Variants in RNF212B observed in about 807,000 individuals in gnomAD.
RNF212B encodes ring finger protein 212B, also known as E3 ubiquitin-protein ligase RNF212B.
In RNF212B, 52 loss-of-function variants were observed where a neutral mutation model predicts 55.5. The ratio of observed to expected loss-of-function variants is 0.94; its 90% confidence interval spans 0.75 to 1.18. The LOEUF is 1.18. Among genes scored for constraint, RNF212B ranks in the 50% most tolerant of loss-of-function variants. The probability of loss-of-function intolerance (pLI) is 0.00; values close to 1 mark genes in which losing one functional copy is unlikely to be tolerated. For missense variants in RNF212B, 289 were observed against 350.4 expected, an observed-to-expected ratio of 0.82 and a Z score of 1.40; for synonymous variants, 99 against 121.4, an observed-to-expected ratio of 0.82 and a Z score of 1.21.
chr14:23,256,044 C>G (rs986615071), intron 4 of RNF212B, among the ~76,000 whole-genome samples: 1 of 152,050 alleles, frequency 6.6e-6, no homozygotes, highest in African/African-American at 2.4e-5. Flanking sequence ...TTAGGCCTGG[C>G]AAAAGACCCT....
At chr14:23,238,771 A>C (rs150373652) in intron 1 of RNF212B, among the ~76,000 whole-genome samples, 1,835 of 112,026 alleles carry the variant, frequency 0.016, 27 homozygotes, top group Middle Eastern at 0.049. Flanking sequence ...TAATAATAAT[A>C]ATAATAATAA....
intron 4 of RNF212B, among the ~76,000 whole-genome samples, chr14:23,252,405 C>T (rs755775487): frequency 1.3e-5 from 2 of 152,136 alleles, no homozygotes; most frequent in African/African-American, 2.4e-5. Flanking sequence ...GATTTCATCA[C>T]ATGTAATTTC....
intron 4 of RNF212B, among the ~76,000 whole-genome samples, chr14:23,251,073 A>G (rs1211352396): frequency 6.6e-6 from 1 of 152,196 alleles, no homozygotes; most frequent in Non-Finnish European, 1.5e-5. Context: ...ACACTACTAA[A>G]AGACAAGAAC....
intron 7 of RNF212B, among the ~76,000 whole-genome samples, chr14:23,260,978 T>A (rs535728071): frequency 1.3e-5 from 2 of 152,234 alleles, no homozygotes; most frequent in Non-Finnish European, 2.9e-5. Context: ...TTTTACTTCC[T>A]GCAGAAAGGG....
chr14:23,238,553 C>A (rs900141672), intron 1 of RNF212B, among the ~76,000 whole-genome samples: 2 of 151,574 alleles, frequency 1.3e-5, no homozygotes, highest in African/African-American at 2.4e-5. Flanking sequence ...CACAGAGAGG[C>A]CTTGTCTCTA....
chr14:23,261,735 G>C (rs919011169), intron 7 of RNF212B, among the ~76,000 whole-genome samples: 1 of 152,196 alleles, frequency 6.6e-6, no homozygotes, highest in Non-Finnish European at 1.5e-5. Flanking sequence ...GCCAAGGTGG[G>C]CGGATCATGG....
chr14:23,212,222 A>G (rs988635392), intron 2 of RNF212B, among the ~76,000 whole-genome samples: 3 of 152,248 alleles, frequency 2.0e-5, no homozygotes, highest in African/African-American at 7.2e-5. Flanking sequence ...ATCAAGACTA[A>G]CACAAGGATG....
intron 2 of RNF212B, among the ~76,000 whole-genome samples, chr14:23,208,993 C>G (rs765540205): frequency 1.5e-4 from 23 of 151,894 alleles, no homozygotes; most frequent in Non-Finnish European, 3.1e-4. Context: ...CTCCTGACCT[C>G]GTGATCCGCC....
chr14:23,231,499 A>C (rs1882605796), intron 2 of RNF212B, among the ~76,000 whole-genome samples: 1 of 152,262 alleles, frequency 6.6e-6, no homozygotes, highest in South Asian at 2.1e-4. Flanking sequence ...CATATACCTA[A>C]ATGTAAAATC....
intron 11 of RNF212B, among the ~76,000 whole-genome samples, chr14:23,268,173 A>C (rs1481278896): frequency 6.6e-6 from 1 of 152,182 alleles, no homozygotes; most frequent in South Asian, 2.1e-4. Context: ...GGTGCTGTCA[A>C]ATTAAGACAA....
intron 2 of RNF212B, among the ~76,000 whole-genome samples, chr14:23,210,143 G>A (rs1880336868): frequency 6.6e-6 from 1 of 152,158 alleles, no homozygotes; most frequent in Non-Finnish European, 1.5e-5. Flanking sequence ...GAGTGAGACT[G>A]TCTCAAAACA....
At chr14:23,230,245 C>T (rs1460390055) in intron 2 of RNF212B, 1 of 152,216 alleles carries the variant, frequency 6.6e-6, no homozygotes, top group Non-Finnish European at 1.5e-5. Context: ...TTATCCCATT[C>T]TGTGGGTTGC....
rs1360424682 is a variant in RNF212B at position 23,238,046 on chromosome 14, G to A, written c.-11G>A. The stretch of plus-strand genomic sequence containing the variant: ...ATCTGAGGCTTTCTGGAATCACAGC[G>A]GCCAAGCGGGTAGGGAGTGTAGCCA... On this transcript the variant is annotated 5_prime_UTR_variant, in exon 1 of 15. Coordinates refer to ENST00000430154, the MANE Select transcript of RNF212B (RefSeq NM_001282322.3). 6.6e-6 allele frequency among the ~76,000 whole-genome samples: 1 copy of A among 152,186 alleles called. No individual in the cohort carries two copies. Among genetic ancestry groups the A allele is most frequent in the East Asian group, 1.9e-4 (1 of 5,198 alleles).
Position 23,260,657 on chromosome 14 carries a change from A to G in RNF212B, c.406-2A>G, listed in dbSNP as rs917899292. On this transcript the variant is annotated splice_acceptor_variant, in intron 6 of 14. Transcript: ENST00000430154. LOFTEE classifies it high-confidence loss of function. ...CTTCACTCCTGGTTTTTTCACCTAT[A>G]GGAATCTCCAAGTCGGTACCAAGGA... 2 of 1,550,476 alleles carry G rather than the reference A, an allele frequency of 1.3e-6. No homozygotes were observed. Among genetic ancestry groups the G allele is most frequent in the Non-Finnish European group, 1.7e-6 (2 of 1,146,922 alleles).
At chr14:23,264,587 A>G (rs1163718567) in intron 10 of RNF212B, 36 bp from the exon 11 acceptor site, 1 of 1,285,150 alleles carries the variant, frequency 7.8e-7, no homozygotes, top group East Asian at 2.8e-5. Context: ...TAACTGAGAT[A>G]TATTTATTAA....
intron 4 of RNF212B, among the ~76,000 whole-genome samples, chr14:23,251,998 C>T (rs752443844): frequency 1.3e-5 from 2 of 151,830 alleles, no homozygotes; most frequent in Non-Finnish European, 2.9e-5. Context: ...TTGTTATGAA[C>T]GTTCCATTAC....
At chr14:23,229,261 T>TATATATATATATATATATAC (rs558232357) in intron 2 of RNF212B, among the ~76,000 whole-genome samples, 3 of 127,182 alleles carry the variant, frequency 2.4e-5, no homozygotes, top group African/African-American at 3.1e-5. Flanking sequence ...TATATATATA[T>TATATATATATATATATATAC]ACCACATTGT....
At chr14:23,197,168 A>G (rs1878801398) in intron 2 of RNF212B, among the ~76,000 whole-genome samples, 1 of 152,260 alleles carries the variant, frequency 6.6e-6, no homozygotes, top group African/African-American at 2.4e-5. Context: ...GGGCTAAAAA[A>G]TCATATTTAA....
rs1555321209 is a variant in RNF212B, at chr14:23,266,412, T to TTTG, written c.634+1743_634+1744insGTT. Among the ~76,000 whole-genome samples, 7 of 135,706 alleles carry TTTG rather than the reference T, an allele frequency of 5.2e-5. No homozygotes were observed. In the East Asian group the frequency reaches 8.4e-4, roughly 16 times the overall value. 89.0% of individuals were successfully genotyped at this position (135,706 alleles called of 152,430 possible). ...TTTAAATCCTTTTAAATGTTTTTTT[T>TTTG]TTTTTTTTTTTTTTTTGAGATGGTG... On this transcript the variant is annotated intron_variant, in intron 11 of 14. Transcript: ENST00000430154.
Sources: gnomAD v4.1 joint callset for allele counts (sites outside exome capture counted in the v4.1 genomes callset) on GRCh38, gnomAD v4.1.1 for gene constraint, MANE v1.5 for transcripts, NCBI Gene and HGNC (gene_info 2026-07-23, HGNC 2026-07-21) for gene names.